The following MSRA variants were observed in gnomAD, a reference collection of about 807,000 sequenced individuals.
MSRA encodes the protein mitochondrial peptide methionine sulfoxide reductase.
In MSRA, 54 loss-of-function variants were observed where a neutral mutation model predicts 31.3. The ratio of observed to expected loss-of-function variants is 1.73; its 90% CI spans 1.39 to 2.17. The LOEUF is 2.17. Among genes scored for constraint, MSRA ranks in the 30% most tolerant of loss-of-function variants. The pLI is 0.00. For synonymous variants in MSRA, 169 were observed against 116.5 expected (o/e 1.45, Z -2.90); for missense variants, 507 against 300.9 (o/e 1.69, Z -5.07).
chr8:10,376,416 A>G (rs1296804816), intron 5 of MSRA, among the ~76,000 whole-genome samples: 1 of 152,188 alleles, frequency 6.6e-6, no homozygotes, highest in Non-Finnish European at 1.5e-5. Context: ...GGACAGCAGC[A>G]TCTTAAGGTC....
intron 1 of MSRA, among the ~76,000 whole-genome samples, chr8:10,122,299 C>A (rs1801181412): frequency 6.6e-6 from 1 of 152,192 alleles, no homozygotes; most frequent in Non-Finnish European, 1.5e-5. Flanking sequence ...GCACCAGGCT[C>A]AGCGGGAGCA....
intron 1 of MSRA, among the ~76,000 whole-genome samples, chr8:10,180,672 A>C (rs573567036): frequency 1.3e-5 from 2 of 152,244 alleles, no homozygotes; most frequent in Non-Finnish European, 2.9e-5. Context: ...GCGCTGTACC[A>C]GGAACCAGAG....
intron 1 of MSRA, among the ~76,000 whole-genome samples, chr8:10,116,436 A>G (rs1800682624): frequency 2.0e-5 from 3 of 152,192 alleles, no homozygotes; most frequent in Non-Finnish European, 4.4e-5. Flanking sequence ...TCGTTTGATA[A>G]GCAATTCTTG....
intron 1 of MSRA, among the ~76,000 whole-genome samples, chr8:10,100,174 T>C (rs1299430862): frequency 6.6e-6 from 1 of 152,162 alleles, no homozygotes; most frequent in Non-Finnish European, 1.5e-5. Flanking sequence ...TAAGGTGTTA[T>C]TGAGGGGCTG....
intron 1 of MSRA, among the ~76,000 whole-genome samples, chr8:10,148,574 G>T (rs1203358697): frequency 6.6e-6 from 1 of 151,792 alleles, no homozygotes; most frequent in Non-Finnish European, 1.5e-5. Flanking sequence ...TTGAACCTGG[G>T]AGGCAGAGGT....
At chr8:10,334,706 C>A (rs921707716) in intron 5 of MSRA, among the ~76,000 whole-genome samples, 1 of 152,134 alleles carries the variant, frequency 6.6e-6, no homozygotes, top group Non-Finnish European at 1.5e-5. Context: ...ACCTCAGGAG[C>A]GGAGATGAAA....
intron 4 of MSRA, among the ~76,000 whole-genome samples, chr8:10,318,235 A>C (rs930138444): frequency 2.6e-5 from 4 of 152,228 alleles, no homozygotes; most frequent in Non-Finnish European, 5.9e-5. Context: ...CAGGTGGGTC[A>C]CTGAATGTCT....
At chr8:10,310,903 T>A (rs1801399216) in intron 4 of MSRA, among the ~76,000 whole-genome samples, 1 of 152,246 alleles carries the variant, frequency 6.6e-6, no homozygotes, top group Non-Finnish European at 1.5e-5. Context: ...AATTTTATAA[T>A]CCTATTAAGG....
chr8:10,249,529 C>T (rs1351496768), intron 3 of MSRA, among the ~76,000 whole-genome samples: 1 of 152,166 alleles, frequency 6.6e-6, no homozygotes, highest in Admixed American at 6.5e-5. Context: ...TCTTCCCTTC[C>T]TCAGGTTCAT....
chr8:10,327,832 C>G (rs568044695), intron 5 of MSRA, among the ~76,000 whole-genome samples: 26 of 152,164 alleles, frequency 1.7e-4, no homozygotes, highest in African/African-American at 6.3e-4. Context: ...ACTCATGAGG[C>G]TGAGGCAGGA....
intron 1 of MSRA, among the ~76,000 whole-genome samples, chr8:10,147,622 G>T (rs558923777): frequency 2.0e-5 from 3 of 152,334 alleles, no homozygotes; most frequent in African/African-American, 7.2e-5. Context: ...CCATGGGGCT[G>T]TCCTGGGGAC....
intron 1 of MSRA, among the ~76,000 whole-genome samples, chr8:10,062,083 C>T (rs571709218): frequency 9.2e-5 from 14 of 152,178 alleles, no homozygotes; most frequent in Non-Finnish European, 1.5e-4. Context: ...GGGCATGGGT[C>T]TTATGAGGGT....
At chr8:10,244,585 T>C (rs561372218) in intron 2 of MSRA, among the ~76,000 whole-genome samples, 1 of 152,306 alleles carries the variant, frequency 6.6e-6, no homozygotes, top group East Asian at 1.9e-4. Context: ...TGCAAGTTTA[T>C]AGTGATTAAA....
At chr8:10,138,765 C>T (rs1171494053) in intron 1 of MSRA, among the ~76,000 whole-genome samples, 3 of 152,184 alleles carry the variant, frequency 2.0e-5, no homozygotes, top group Non-Finnish European at 2.9e-5. Context: ...CTTGCAAAAC[C>T]ACTCCCCTTA....
chr8:10,386,652 C>G (rs1211979979), intron 5 of MSRA, among the ~76,000 whole-genome samples: 1 of 151,998 alleles, frequency 6.6e-6, no homozygotes, highest in Non-Finnish European at 1.5e-5. Context: ...GACTGCGGTC[C>G]CAAAATAGGC....
intron 1 of MSRA, among the ~76,000 whole-genome samples, chr8:10,146,991 G>C (rs1045647469): frequency 1.3e-5 from 2 of 152,214 alleles, no homozygotes; most frequent in African/African-American, 4.8e-5. Context: ...CTGGAAGCTG[G>C]GACGCCAGCT....
intron 5 of MSRA, among the ~76,000 whole-genome samples, chr8:10,395,300 A>C (rs1229265117): frequency 6.6e-6 from 1 of 152,080 alleles, no homozygotes; most frequent in African/African-American, 2.4e-5. Context: ...GGTAAGGGAG[A>C]GGCAATGCCT....
chr8:10,281,845 T>C (rs1310251872), intron 3 of MSRA, among the ~76,000 whole-genome samples: 1 of 152,132 alleles, frequency 6.6e-6, no homozygotes, highest in Non-Finnish European at 1.5e-5. Flanking sequence ...ATCTGAAGCT[T>C]ATCACCAAGC....
rs569568964 is a variant in MSRA at position 10,357,615 on chromosome 8, G to A, written c.543+37626G>A. Among the ~76,000 whole-genome samples the A allele has an allele frequency of 5.3e-5, 8 of 152,268 alleles. No homozygotes were observed. In the South Asian group the frequency reaches 1.0e-3, roughly 20 times the overall value. On this transcript the variant is annotated intron_variant, in intron 5 of 5. Transcript: ENST00000317173. ...TCTTTACCATCTGGTATAGGCTCAC[G>A]TTGTCTATTTCCTGCCCCAGACCTG...
Sources: allele counts gnomAD v4.1 joint callset (sites outside exome capture counted in the v4.1 genomes callset), GRCh38; gene constraint gnomAD v4.1.1; transcripts MANE v1.5; gene names NCBI Gene and HGNC (gene_info 2026-07-23, HGNC 2026-07-21).